The following RELN variants were observed in gnomAD, a reference collection of about 807,000 sequenced individuals.
RELN encodes reelin.
Under a neutral mutation model 427.6 loss-of-function variants are expected in RELN, and 108 were observed. The ratio of observed to expected loss-of-function variants is 0.25; its 90% CI spans 0.22 to 0.30. RELN has a LOEUF of 0.30. Ranked by LOEUF, RELN falls within the 10% of genes least tolerant of loss-of-function variation. The pLI, the probability that RELN is intolerant of heterozygous loss-of-function variation, is 1.00. For missense variants in RELN, 3,715 were observed against 4,302.8 expected (o/e 0.86, Z 3.82); for synonymous variants, 1,524 against 1,513.4 (o/e 1.01, Z -0.16).
Position 103,515,351 on chromosome 7 carries a change from G to A in RELN, c.7953C>T (p.Asn2651=), listed in dbSNP as rs148056599. 10 of 1,614,016 alleles carry A rather than the reference G, an allele frequency of 6.2e-6. No homozygotes were observed. Among genetic ancestry groups the A allele is most frequent in the African/African-American group, 4.0e-5 (3 of 74,922 alleles). The change falls in exon 50 of 65, where the codon AAC becomes AAT. Residue 2651 remains asparagine (N), a synonymous_variant. Transcript: ENST00000428762. The part of the protein sequence containing the change: ...WQPRHDGLDQ[N]DWAIDNVLIS... ...TGAGGACATTGTCAATGGCCCAGTC[G>A]TTCTGATCCAGGCCGTCATGTCTTG...
intron 57 of RELN, among the ~76,000 whole-genome samples, 172 bp from the exon 58 acceptor site, chr7:103,492,198 G>A (rs930234483): frequency 7.2e-5 from 11 of 152,090 alleles, no homozygotes; most frequent in Non-Finnish European, 1.5e-4. Context: ...TGTTAAAGAT[G>A]TTCAATTTTG....
intron 3 of RELN, among the ~76,000 whole-genome samples, chr7:103,802,886 C>T (rs1439872667): frequency 2.0e-5 from 3 of 152,112 alleles, no homozygotes; most frequent in Non-Finnish European, 4.4e-5. Context: ...ACCACCATCA[C>T]AATATAAAAC....
intron 41 of RELN, among the ~76,000 whole-genome samples, chr7:103,547,888 G>C (rs1830334689): frequency 5.3e-5 from 8 of 152,156 alleles, no homozygotes; most frequent in Admixed American, 5.2e-4. Context: ...ATGATAAATA[G>C]GCTGAAGGGT....
Position 103,650,269 on chromosome 7 carries a change from C to T in RELN, c.2002+5G>A. The T allele has an allele frequency of 6.5e-7, 1 of 1,546,004 alleles. No homozygotes were observed. Among genetic ancestry groups the T allele is most frequent in the East Asian group, 2.2e-5 (1 of 44,486 alleles). ...CATGTGATTATGACAGGCATAAACA[C>T]TAACCATTATCAATTGCCCACATGT... On this transcript the variant is annotated splice_donor_5th_base_variant and intron_variant, in intron 16 of 64. Coordinates refer to ENST00000428762, the MANE Select transcript of RELN (RefSeq NM_005045.4).
chr7:103,973,323 G>A (rs1796803138), intron 1 of RELN, among the ~76,000 whole-genome samples: 1 of 152,090 alleles, frequency 6.6e-6, no homozygotes, highest in African/African-American at 2.4e-5. Flanking sequence ...AGTGAGATAA[G>A]CCCACTAACA....
chr7:103,660,882 C>T (rs540468931), intron 12 of RELN, among the ~76,000 whole-genome samples: 1 of 152,268 alleles, frequency 6.6e-6, no homozygotes, highest in African/African-American at 2.4e-5. Context: ...AAAACTATAA[C>T]TTATGAACAC....
chr7:103,574,342 C>T, intron 29 of RELN, 43 bp from the exon 30 acceptor site: 1 of 1,549,306 alleles, frequency 6.5e-7, no homozygotes. Context: ...TTGTTGGAAT[C>T]ATTCAAAACG....
intron 22 of RELN, among the ~76,000 whole-genome samples, chr7:103,605,097 T>C (rs765671777): frequency 1.9e-4 from 29 of 152,332 alleles, no homozygotes; most frequent in Non-Finnish European, 3.4e-4. Context: ...CCCAAAGTGT[T>C]GGGATTACAG....
At chr7:103,922,200 T>G (rs532399373) in intron 1 of RELN, among the ~76,000 whole-genome samples, 55 of 152,212 alleles carry the variant, frequency 3.6e-4, no homozygotes, top group Admixed American at 6.5e-4. Flanking sequence ...ATAAGTTTCC[T>G]CTGAAAAGTA....
chr7:103,506,610 C>T (rs1437515881), intron 51 of RELN, among the ~76,000 whole-genome samples: 2 of 151,010 alleles, frequency 1.3e-5, no homozygotes. Context: ...CAAAAACATA[C>T]CAAATTGTAA....
intron 9 of RELN, 125 bp from the exon 10 acceptor site, chr7:103,698,218 G>T: frequency 8.5e-7 from 1 of 1,179,406 alleles, no homozygotes; most frequent in Non-Finnish European, 1.2e-6. Flanking sequence ...AGATAAAATA[G>T]CTACAATCTC....
chr7:103,817,082 C>A (rs1792891972), intron 3 of RELN, among the ~76,000 whole-genome samples: 1 of 152,122 alleles, frequency 6.6e-6, no homozygotes, highest in Non-Finnish European at 1.5e-5. Flanking sequence ...GAACTCCTGA[C>A]CTCAAGTGAT....
At chr7:103,811,013 A>T (rs1336465520) in intron 3 of RELN, among the ~76,000 whole-genome samples, 1 of 152,240 alleles carries the variant, frequency 6.6e-6, no homozygotes, top group African/African-American at 2.4e-5. Flanking sequence ...ATGAAAATAA[A>T]TGTTAAGGTT....
At chr7:103,554,563 C>T (rs1329636205) in intron 38 of RELN, among the ~76,000 whole-genome samples, 2 of 79,524 alleles carry the variant, frequency 2.5e-5, no homozygotes, top group Non-Finnish European at 2.3e-5. Context: ...GAGCAAGATG[C>T]TGTCTCAAAA....
intron 2 of RELN, among the ~76,000 whole-genome samples, chr7:103,909,987 G>A (rs201739923): frequency 7.8e-5 from 11 of 141,034 alleles, no homozygotes; most frequent in Non-Finnish European, 1.4e-4. Flanking sequence ...CATTGAATCT[G>A]TAAATTACCT....
At chr7:103,774,124 C>T (rs1791676136) in intron 4 of RELN, among the ~76,000 whole-genome samples, 1 of 151,758 alleles carries the variant, frequency 6.6e-6, no homozygotes, top group Non-Finnish European at 1.5e-5. Flanking sequence ...GGTGAAACCT[C>T]GTCTCTACTA....
At chr7:103,596,900 C>G (rs998352159) in intron 24 of RELN, among the ~76,000 whole-genome samples, 4 of 152,054 alleles carry the variant, frequency 2.6e-5, no homozygotes, top group Admixed American at 6.6e-5. Flanking sequence ...TATGAGAGAC[C>G]CTTGGGAATT....
chr7:103,662,625 CAAAAA>C (rs747230376), intron 11 of RELN, among the ~76,000 whole-genome samples: 2 of 77,348 alleles, frequency 2.6e-5, no homozygotes, highest in Non-Finnish European at 5.0e-5. Flanking sequence ...GACTCCGTCA[CAAAAA>C]AAAAAAAAAA....
chr7:103,697,696 C>T (rs1304982549), intron 10 of RELN, among the ~76,000 whole-genome samples, 157 bp downstream of exon 10: 1 of 152,104 alleles, frequency 6.6e-6, no homozygotes, highest in South Asian at 2.1e-4. Flanking sequence ...GACTTTCCAT[C>T]CTTAAAAGGT....
Sources: gnomAD v4.1 joint callset for allele counts (sites outside exome capture counted in the v4.1 genomes callset) on GRCh38, gnomAD v4.1.1 for gene constraint, MANE v1.5 for transcripts, NCBI Gene and HGNC (gene_info 2026-07-23, HGNC 2026-07-21) for gene names.